NDST4: variants seen among roughly 807,000 people sequenced by gnomAD.
NDST4 encodes N-heparan sulfate sulfotransferase 4.
In NDST4, 63 loss-of-function variants were observed where a neutral mutation model predicts 100.8. The observed-to-expected ratio is 0.62, with a 90% CI of 0.51 to 0.77. The LOEUF is 0.77. NDST4 is among the 30% of genes least tolerant of loss of function. NDST4 has a pLI of 0.00. For missense variants in NDST4, 943 were observed against 1,018.4 expected, an observed-to-expected ratio of 0.93 and a Z score of 1.01; for synonymous variants, 377 against 361.8, an observed-to-expected ratio of 1.04 and a Z score of -0.48.
intron 1 of NDST4, among the ~76,000 whole-genome samples, chr4:115,111,517 AAAT>A (rs1729951493): frequency 6.6e-6 from 1 of 151,656 alleles, no homozygotes; most frequent in Non-Finnish European, 1.5e-5. Context: ...CACATTTCTT[AAAT>A]AATAAGCCTA....
intron 2 of NDST4, among the ~76,000 whole-genome samples, chr4:115,023,059 T>C (rs1318691292): frequency 6.6e-6 from 1 of 152,118 alleles, no homozygotes; most frequent in African/African-American, 2.4e-5. Flanking sequence ...GGCATAAAAA[T>C]GACACAGTGG....
At chr4:114,912,809 T>A (rs1354133269) in intron 6 of NDST4, among the ~76,000 whole-genome samples, 2 of 152,104 alleles carry the variant, frequency 1.3e-5, no homozygotes, top group Admixed American at 1.3e-4. Flanking sequence ...ACAAAGTAAC[T>A]CATTGTCACA....
chr4:115,083,781 G>A (rs567035452), intron 1 of NDST4, among the ~76,000 whole-genome samples: 27 of 152,138 alleles, frequency 1.8e-4, no homozygotes, highest in Non-Finnish European at 7.4e-5. Context: ...ATTCTCTCTC[G>A]TCACCCTGTG....
At chr4:114,980,822 ATATG>A (rs1726752411) in intron 2 of NDST4, among the ~76,000 whole-genome samples, 1 of 152,132 alleles carries the variant, frequency 6.6e-6, no homozygotes, top group Non-Finnish European at 1.5e-5. Context: ...AAGAGAATAA[ATATG>A]TAACTTATTT....
chr4:114,881,827 A>G (rs1300070237), intron 6 of NDST4, among the ~76,000 whole-genome samples: 1 of 152,186 alleles, frequency 6.6e-6, no homozygotes. Context: ...ATAGATTTTT[A>G]TAATATTTTA....
At chr4:114,846,149 T>C (rs572399107) in intron 9 of NDST4, 152 bp from the exon 10 acceptor site, 1 of 727,846 alleles carries the variant, frequency 1.4e-6, no homozygotes, top group African/African-American at 1.8e-5. Context: ...CTATACACAT[T>C]GAATGTGAAG....
chr4:114,849,871 A>C (rs1723635025), intron 8 of NDST4, among the ~76,000 whole-genome samples: 1 of 152,224 alleles, frequency 6.6e-6, no homozygotes, highest in Non-Finnish European at 1.5e-5. Flanking sequence ...TGAAAAATAC[A>C]GATGTAATAG....
At chr4:114,929,227 G>A (rs955624765) in intron 6 of NDST4, among the ~76,000 whole-genome samples, 6 of 151,356 alleles carry the variant, frequency 4.0e-5, no homozygotes, top group African/African-American at 9.7e-5. Context: ...GATAACTTCC[G>A]CCTATGCAAG....
chr4:114,829,200 C>G (rs1165793028), intron 13 of NDST4, among the ~76,000 whole-genome samples: 1 of 152,064 alleles, frequency 6.6e-6, no homozygotes, highest in Non-Finnish European at 1.5e-5. Context: ...GGCTGGTTTT[C>G]CAAGCCTGTT....
chr4:115,032,519 A>G (rs1057245061), intron 2 of NDST4, among the ~76,000 whole-genome samples: 2 of 152,164 alleles, frequency 1.3e-5, no homozygotes, highest in African/African-American at 4.8e-5. Context: ...AAGAAGAGAT[A>G]ATAATGCCTG....
chr4:115,105,197 C>A (rs1004612761), intron 1 of NDST4, among the ~76,000 whole-genome samples: 2 of 152,084 alleles, frequency 1.3e-5, no homozygotes, highest in Non-Finnish European at 2.9e-5. Context: ...TACAAAAAGG[C>A]ATCATAATTA....
chr4:114,896,027 A>C (rs1724705926), intron 6 of NDST4, among the ~76,000 whole-genome samples: 1 of 139,484 alleles, frequency 7.2e-6, no homozygotes, highest in Non-Finnish European at 1.5e-5. Context: ...AACCTAAATA[A>C]AGCCTAAAGA....
intron 6 of NDST4, among the ~76,000 whole-genome samples, chr4:114,925,949 T>G (rs987732856): frequency 7.9e-5 from 12 of 152,182 alleles, no homozygotes; most frequent in Non-Finnish European, 7.4e-5. Context: ...AACCATCTGA[T>G]AAGACTCCAG....
At chr4:114,864,850 C>T (rs1723991737) in intron 7 of NDST4, among the ~76,000 whole-genome samples, 1 of 152,136 alleles carries the variant, frequency 6.6e-6, no homozygotes, top group South Asian at 2.1e-4. Flanking sequence ...GAAAGGAGCC[C>T]ATGGTTCTGT....
intron 2 of NDST4, among the ~76,000 whole-genome samples, chr4:115,002,727 G>A (rs1184544020): frequency 6.6e-6 from 1 of 152,048 alleles, no homozygotes; most frequent in Non-Finnish European, 1.5e-5. Context: ...CCCATTACTA[G>A]GTATATACCC....
intron 6 of NDST4, among the ~76,000 whole-genome samples, chr4:114,875,884 G>A (rs1724244221): frequency 6.6e-6 from 1 of 152,162 alleles, no homozygotes; most frequent in African/African-American, 2.4e-5. Context: ...GAATGGTATT[G>A]TAAACTGTAT....
chr4:114,881,746 T>C (rs767979700), intron 6 of NDST4, among the ~76,000 whole-genome samples: 3 of 152,092 alleles, frequency 2.0e-5, no homozygotes, highest in Admixed American at 6.6e-5. Context: ...TTTGTAATGA[T>C]TGGAAGATAG....
intron 6 of NDST4, among the ~76,000 whole-genome samples, chr4:114,931,167 C>A (rs1219717919): frequency 6.6e-6 from 1 of 151,484 alleles, no homozygotes; most frequent in Non-Finnish European, 1.5e-5. Flanking sequence ...ATTAATATGT[C>A]ATTACTATAA....
chr4:114,834,530 A>T (rs986275253), intron 11 of NDST4, among the ~76,000 whole-genome samples: 10 of 151,876 alleles, frequency 6.6e-5, no homozygotes, highest in African/African-American at 1.9e-4. Context: ...AAAAAAAAAA[A>T]AAAAAGGAAT....
Sources: allele counts gnomAD v4.1 joint callset (sites outside exome capture counted in the v4.1 genomes callset), GRCh38; gene constraint gnomAD v4.1.1; transcripts MANE v1.5; gene names NCBI Gene and HGNC (gene_info 2026-07-23, HGNC 2026-07-21).